Variants in WDR27 observed in about 807,000 individuals in gnomAD.
The protein encoded by WDR27 is WD repeat domain 27.
In WDR27, 100 loss-of-function variants were observed where a neutral mutation model predicts 114.4. The ratio of observed to expected loss-of-function variants is 0.87; its 90% CI spans 0.74 to 1.03. WDR27 has a LOEUF of 1.03. Among genes scored for constraint, WDR27 ranks in the 50% least tolerant of loss-of-function variants. The pLI, the probability that WDR27 is intolerant of heterozygous loss-of-function variation, is 0.00. For synonymous variants in WDR27, 449 were observed against 423.1 expected (o/e 1.06, Z -0.75); for missense variants, 1,129 against 1,092.9 (o/e 1.03, Z -0.47).
chr6:169,649,853 C>G (rs956822724), intron 14 of WDR27, among the ~76,000 whole-genome samples: 1 of 150,370 alleles, frequency 6.7e-6, no homozygotes, highest in Admixed American at 6.6e-5. Context: ...ATCCATCCCC[C>G]CCATCAATTG....
chr6:169,515,375 G>A (rs1255266359), intron 25 of WDR27, among the ~76,000 whole-genome samples: 1 of 152,174 alleles, frequency 6.6e-6, no homozygotes, highest in East Asian at 1.9e-4. Flanking sequence ...AAAATAAAAT[G>A]AAAGCGGTAA....
intron 23 of WDR27, among the ~76,000 whole-genome samples, chr6:169,586,847 CAAAAAAA>C (rs3029697): frequency 5.3e-4 from 17 of 32,058 alleles, no homozygotes; most frequent in East Asian, 6.4e-4. Flanking sequence ...GACTCTGTCT[CAAAAAAA>C]AAAAAAAAAA....
chr6:169,586,785 G>A (rs150644332), intron 23 of WDR27, among the ~76,000 whole-genome samples: 1,502 of 145,456 alleles, frequency 0.01, 21 homozygotes, highest in African/African-American at 0.037. Context: ...GGAGGCAGTG[G>A]TTGCAGTGGG....
At chr6:169,697,736 G>A in intron 1 of WDR27, among the ~76,000 whole-genome samples, 1 of 152,188 alleles carries the variant, frequency 6.6e-6, no homozygotes, top group Non-Finnish European at 1.5e-5. Flanking sequence ...AGGGCCCCCT[G>A]TCCAGTGGAC....
intron 18 of WDR27, 60 bp downstream of exon 18, chr6:169,638,479 T>C (rs762227053): frequency 6.3e-7 from 1 of 1,583,364 alleles, no homozygotes; most frequent in Non-Finnish European, 8.6e-7. Flanking sequence ...AATGAGACTT[T>C]TGAGAAGCTC....
chr6:169,436,490 T>C, the WDR27 span, among the ~76,000 whole-genome samples: 1 of 152,028 alleles, frequency 6.6e-6, no homozygotes. Context: ...TATTTAACTT[T>C]AAGAGTCTTA....
At chr6:169,653,155 G>T (rs889887219) in intron 13 of WDR27, among the ~76,000 whole-genome samples, 6 of 152,188 alleles carry the variant, frequency 3.9e-5, no homozygotes, top group African/African-American at 1.4e-4. Flanking sequence ...ACTCTCACAG[G>T]GGAGTTTCTT....
At chr6:169,550,145 T>A (rs1324671823) in intron 25 of WDR27, among the ~76,000 whole-genome samples, 2 of 152,190 alleles carry the variant, frequency 1.3e-5, no homozygotes, top group Admixed American at 6.5e-5. Context: ...CTCCATACTT[T>A]CCTCACAATT....
intron 23 of WDR27, among the ~76,000 whole-genome samples, chr6:169,588,045 T>C (rs1234191162): frequency 6.6e-6 from 1 of 152,110 alleles, no homozygotes; most frequent in Non-Finnish European, 1.5e-5. Flanking sequence ...TTAAACACAA[T>C]GAAAAATACA....
At chr6:169,565,965 T>C (rs1800399025) in intron 25 of WDR27, among the ~76,000 whole-genome samples, 1 of 152,228 alleles carries the variant, frequency 6.6e-6, no homozygotes, top group Admixed American at 6.5e-5. Flanking sequence ...AATTAACTGA[T>C]AATTATGAGC....
the WDR27 span, among the ~76,000 whole-genome samples, chr6:169,443,341 T>C: frequency 1.3e-5 from 2 of 152,250 alleles, no homozygotes; most frequent in African/African-American, 4.8e-5. Context: ...TTGATAGCCA[T>C]GATTCATCTT....
intron 25 of WDR27, among the ~76,000 whole-genome samples, chr6:169,513,542 T>C (rs1793184651): frequency 1.3e-5 from 2 of 152,150 alleles, no homozygotes; most frequent in Admixed American, 1.3e-4. Context: ...TTTATCCATG[T>C]TGACACATTT....
chr6:169,626,717 T>C (rs565521287), intron 21 of WDR27, among the ~76,000 whole-genome samples: 5 of 152,342 alleles, frequency 3.3e-5, no homozygotes, highest in South Asian at 2.1e-4. Flanking sequence ...GATGAGGCCA[T>C]TGTTCCACAA....
rs75844465 is a variant in WDR27 at position 169,581,607 on chromosome 6, C to T, written c.2523+1229G>A. Among the ~76,000 whole-genome samples the T allele has an allele frequency of 4.5e-3, 689 of 152,342 alleles. 7 individuals carry two copies. Among genetic ancestry groups the T allele is most frequent in the African/African-American group, 0.016 (654 of 41,580 alleles). The stretch of plus-strand genomic sequence containing the variant: ...GGGAAGGAAAACATAAATTCAAATT[C>T]CCATCTGGAGCAGACTGAAAAGATG... On this transcript the variant is annotated intron_variant, in intron 24 of 25. Coordinates refer to ENST00000448612, the MANE Select transcript of WDR27 (RefSeq NM_182552.5).
chr6:169,590,502 C>T (rs1805525119), intron 23 of WDR27, among the ~76,000 whole-genome samples: 1 of 152,236 alleles, frequency 6.6e-6, no homozygotes, highest in East Asian at 1.9e-4. Context: ...AAGACAGAAG[C>T]CTTGCCTCCT....
intron 25 of WDR27, among the ~76,000 whole-genome samples, chr6:169,545,605 G>C (rs184964460): frequency 1.8e-3 from 281 of 152,240 alleles, no homozygotes; most frequent in Non-Finnish European, 3.4e-3. Context: ...TTGAGTCTGG[G>C]AGGCAGAGAC....
chr6:169,529,311 G>GA (rs1562537509), intron 25 of WDR27, among the ~76,000 whole-genome samples: 1 of 32,584 alleles, frequency 3.1e-5, no homozygotes. Flanking sequence ...GGTGACCTCT[G>GA]CGGGGGGGGG....
chr6:169,603,745 C>G (rs1182564640), intron 22 of WDR27, among the ~76,000 whole-genome samples: 1 of 152,204 alleles, frequency 6.6e-6, no homozygotes, highest in Non-Finnish European at 1.5e-5. Flanking sequence ...ATCAAATGAG[C>G]AACTTTGGTG....
chr6:169,504,371 G>A (rs1013146930), intron 25 of WDR27, among the ~76,000 whole-genome samples: 1 of 152,110 alleles, frequency 6.6e-6, no homozygotes, highest in African/African-American at 2.4e-5. Flanking sequence ...GAATCATGGG[G>A]GCGGTTTCCT....
Sources: allele counts gnomAD v4.1 joint callset (sites outside exome capture counted in the v4.1 genomes callset), GRCh38; gene constraint gnomAD v4.1.1; transcripts MANE v1.5; gene names NCBI Gene and HGNC (gene_info 2026-07-23, HGNC 2026-07-21).